SDK2: variants seen among roughly 807,000 people sequenced by gnomAD.
SDK2 encodes protein sidekick-2.
SDK2 carries 105 observed loss-of-function variants against 253.9 expected under a neutral mutation model. That is an observed-to-expected ratio of 0.41 (90% CI 0.35 to 0.49). The LOEUF is 0.49. SDK2 is among the 20% of genes least tolerant of loss of function. The pLI, the probability that SDK2 is intolerant of heterozygous loss-of-function variation, is 0.06. For synonymous variants in SDK2, 1,249 were observed against 1,234.9 expected (o/e 1.01, Z -0.24); for missense variants, 2,608 against 3,003.0 (o/e 0.87, Z 3.07).
chr17:73,412,167 TACAC>T, intron 18 of SDK2, among the ~76,000 whole-genome samples: 1 of 146,742 alleles, frequency 6.8e-6, no homozygotes, highest in South Asian at 2.1e-4. Context: ...TATATGTATA[TACAC>T]ATATATGTAT....
intron 10 of SDK2, among the ~76,000 whole-genome samples, 180 bp downstream of exon 10, chr17:73,433,552 A>C (rs2063343684): frequency 6.6e-6 from 1 of 152,006 alleles, no homozygotes; most frequent in Non-Finnish European, 1.5e-5. Flanking sequence ...ACCTCCCAAG[A>C]TGCTGGGATT....
Position 73,465,772 on chromosome 17 carries a change from G to C in SDK2, c.331+6340C>G, listed in dbSNP as rs1199091493. Among the ~76,000 whole-genome samples, 1 of 152,190 alleles carries C rather than the reference G, an allele frequency of 6.6e-6. No individual in the cohort carries two copies. The highest frequency in any genetic ancestry group is 2.4e-5 in the African/African-American group (1 of 41,454). On this transcript the variant is annotated intron_variant, in intron 3 of 44. Transcript: ENST00000392650. The surrounding 1 kb of genome is among the most constrained non-coding windows in gnomAD (Gnocchi z 4.2). ...CAGTTCTCTTTGGGAAGGGGGCTGG[G>C]TGCCAGGGGTTGGCCAGCCTGGCTC... is the stretch of plus-strand genomic sequence containing the variant.
In SDK2 at chr17:73,350,652, G is replaced by C. The variant is rs753787922; in HGVS notation, c.5897C>G (p.Ser1966Trp). Residue 1966 changes from serine to tryptophan, a missense_variant and splice_region_variant, in exon 42 of 45, where the codon TCG (serine) becomes TGG (tryptophan). Transcript: ENST00000392650. ...ATGGCTGGTGCCAGCTCACTCACCC[G>C]AGTCTGTCTTCTTGGCGTACTTCTT... The part of the protein sequence containing the change: ...QSKKYAKKTD[S>W]GNSAKSGALG... 6.2e-7 allele frequency: 1 copy of C among 1,609,828 alleles called. No homozygotes were observed.
At chr17:73,528,155 G>A (rs7405996) in intron 1 of SDK2, among the ~76,000 whole-genome samples, 64,998 of 151,910 alleles carry the variant, frequency 0.43, 15,239 homozygotes, top group East Asian at 0.67. Context: ...GACCCCAGAG[G>A]AGGGGTGTGG....
At chr17:73,453,621 C>T (rs1307729139) in intron 4 of SDK2, among the ~76,000 whole-genome samples, 1 of 152,140 alleles carries the variant, frequency 6.6e-6, no homozygotes, top group Non-Finnish European at 1.5e-5. Context: ...ATGTGATCTG[C>T]CCAGCTTGGC....
At position 73,641,183 on chromosome 17, in the gene SDK2, T is replaced by G. The variant is rs1027225470; in HGVS notation, c.64+2842A>C. ...GTGGGTGGCAGGGTACCATTCTTCA[T>G]GGACTTCTAGCTTAATGTTAAAACC... On this transcript the variant is annotated intron_variant, in intron 1 of 44. Transcript: ENST00000392650. The G allele has an allele frequency of 2.0e-5, 3 of 152,246 alleles. No homozygotes were observed. In the South Asian group the frequency reaches 6.2e-4, roughly 31 times the overall value. 9.4% of individuals were successfully genotyped at this position (152,246 alleles called of 1,614,324 possible).
intron 12 of SDK2, among the ~76,000 whole-genome samples, chr17:73,430,051 A>G (rs2063313599): frequency 6.6e-6 from 1 of 151,924 alleles, no homozygotes; most frequent in South Asian, 2.1e-4. Flanking sequence ...CTCCTGCCCC[A>G]CCCCTATAGC....
Position 73,644,418 on chromosome 17 carries a change from G to T in SDK2, c.-330C>A, listed in dbSNP as rs760153209. On this transcript the variant is annotated 5_prime_UTR_variant, in exon 1 of 45. Coordinates refer to ENST00000392650, the MANE Select transcript of SDK2 (RefSeq NM_001144952.2). The surrounding 1 kb of genome is among the most constrained non-coding windows in gnomAD (Gnocchi z 6.3). ...CCAAACAGGGCGGCCTCTGCGATCC[G>T]GCCGGGTCGCCGGCCGAGCTCCGGA... Among the ~76,000 whole-genome samples the T allele has an allele frequency of 4.6e-5, 7 of 152,038 alleles. No homozygotes were observed. The highest frequency in any genetic ancestry group is 1.0e-4 in the Non-Finnish European group (7 of 67,982).
intron 40 of SDK2, 166 bp downstream of exon 40, chr17:73,357,913 C>T: frequency 3.8e-6 from 4 of 1,051,278 alleles, no homozygotes; most frequent in Middle Eastern, 2.0e-4. Flanking sequence ...GCTCTAGGAG[C>T]CCCCCAACCC....
intron 1 of SDK2, among the ~76,000 whole-genome samples, chr17:73,545,618 A>G (rs1047260639): frequency 6.6e-6 from 1 of 151,944 alleles, no homozygotes; most frequent in African/African-American, 2.4e-5. Flanking sequence ...GCGGATCACA[A>G]ACATCACACT....
intron 12 of SDK2, among the ~76,000 whole-genome samples, chr17:73,428,089 A>G (rs2063297107): frequency 6.6e-6 from 1 of 152,248 alleles, no homozygotes; most frequent in Non-Finnish European, 1.5e-5. Flanking sequence ...AAATGAAAAG[A>G]TGCTGTACAT....
At chr17:73,413,251 C>T (rs986013614) in intron 18 of SDK2, among the ~76,000 whole-genome samples, 1 of 151,850 alleles carries the variant, frequency 6.6e-6, no homozygotes, top group African/African-American at 2.4e-5. Context: ...AGGTTGCGTA[C>T]TCCTTATGAG....
intron 16 of SDK2, among the ~76,000 whole-genome samples, chr17:73,418,576 C>G (rs993784514): frequency 6.6e-6 from 1 of 152,154 alleles, no homozygotes; most frequent in Non-Finnish European, 1.5e-5. Context: ...ATTTTGTAGC[C>G]AGAATCTAGA....
chr17:73,581,515 C>T (rs1054422382), intron 1 of SDK2, among the ~76,000 whole-genome samples: 1 of 152,244 alleles, frequency 6.6e-6, no homozygotes, highest in Non-Finnish European at 1.5e-5. Context: ...ATAAGCGCAC[C>T]TTCAAGGCTT....
chr17:73,582,743 C>A (rs146840028), intron 1 of SDK2, among the ~76,000 whole-genome samples: 2 of 152,294 alleles, frequency 1.3e-5, no homozygotes, highest in East Asian at 1.9e-4. Context: ...TGGGTACCCC[C>A]CTTCAGCCCT....
At position 73,350,246 on chromosome 17, in the gene SDK2, A is replaced by G. The variant is rs2062524237; in HGVS notation, c.6029T>C (p.Leu2010Pro). 1 of 1,056,984 alleles carries G rather than the reference A, an allele frequency of 9.5e-7. No individual in the cohort carries two copies. 65.5% of individuals were successfully genotyped at this position (1,056,984 alleles called of 1,614,324 possible). Residue 2010 changes from leucine (L) to proline (P), a missense_variant, in exon 43 of 45, where the codon CTG becomes CCG. Leu to Pro is a moderately conservative substitution (Grantham distance 98). Coordinates refer to ENST00000392650, the MANE Select transcript of SDK2 (RefSeq NM_001144952.2). ...GCAGAGGGCCCAGTACCTGGTGTAC[A>G]GGCCGTTCTTTCGGCAGAAAGAGTT... Reference protein sequence around the residue: ...VKNSFCRKNGLYTRSPPRPSP... With the variant: ...VKNSFCRKNGPYTRSPPRPSP...
In SDK2 at chr17:73,550,875, A is replaced by T. The variant is rs936958562; in HGVS notation, c.65-43278T>A. Among the ~76,000 whole-genome samples the T allele has an allele frequency of 2.6e-5, 4 of 152,116 alleles. No homozygotes were observed. The East Asian group carries it at 7.7e-4, about 29-fold the overall frequency. On this transcript the variant is annotated intron_variant, in intron 1 of 44. Coordinates refer to ENST00000392650, the MANE Select transcript of SDK2 (RefSeq NM_001144952.2). ...ATCCCAGGGCGAGTCACCCGTCCAC[A>T]GGGAGCTGGAGTCATGAGCCAAACG... is the stretch of plus-strand genomic sequence containing the variant.
intron 44 of SDK2, among the ~76,000 whole-genome samples, chr17:73,340,407 T>C (rs2062424514): frequency 6.6e-6 from 1 of 152,232 alleles, no homozygotes; most frequent in South Asian, 2.1e-4. Flanking sequence ...ATCTGTTTTC[T>C]GTCTCCAGGG....
chr17:73,421,573 C>CTTTTTTTTTT (rs36068491), intron 15 of SDK2, among the ~76,000 whole-genome samples: 2 of 90,772 alleles, frequency 2.2e-5, no homozygotes, highest in East Asian at 3.0e-4. Context: ...CAATTTCCAT[C>CTTTTTTTTTT]TTTTTTTTTT....
Sources: allele counts gnomAD v4.1 joint callset (sites outside exome capture counted in the v4.1 genomes callset), GRCh38; gene constraint gnomAD v4.1.1; non-coding constraint Gnocchi (gnomAD v3.1); transcripts MANE v1.5; gene names NCBI Gene and HGNC (gene_info 2026-07-23, HGNC 2026-07-21).